USF3: variants seen among roughly 807,000 people sequenced by gnomAD.
The protein encoded by USF3 is basic helix-loop-helix domain-containing protein USF3.
USF3 carries 29 observed loss-of-function variants against 157.5 expected under a neutral mutation model. The observed-to-expected ratio is 0.18, with a 90% confidence interval of 0.14 to 0.25. The LOEUF is 0.25. Ranked by LOEUF, USF3 falls within the 10% of genes least tolerant of loss-of-function variation. The probability of loss-of-function intolerance (pLI) is 1.00; values close to 1 mark genes in which losing one functional copy is unlikely to be tolerated. For synonymous variants in USF3, 893 were observed against 941.4 expected (o/e 0.95, Z 0.94); for missense variants, 2,381 against 2,667.6 (o/e 0.89, Z 2.37).
At chr3:113,692,050 T>G (rs911813289) in intron 1 of USF3, among the ~76,000 whole-genome samples, 1 of 152,110 alleles carries the variant, frequency 6.6e-6, no homozygotes, top group Non-Finnish European at 1.5e-5. Context: ...TAGATGATCA[T>G]AAGGAACATG....
intron 1 of USF3, among the ~76,000 whole-genome samples, chr3:113,684,532 G>C (rs993029746): frequency 1.3e-5 from 2 of 152,016 alleles, no homozygotes; most frequent in African/African-American, 4.8e-5. Context: ...CTGTGGGCAT[G>C]CTTCATATTT....
chr3:113,658,513 CATT>C lies in USF3; in HGVS notation c.3166_3168del (p.Asn1056del). ...TGATGCTGTGGAGGATCTCTATCAT[CATT>C]GTTCATCAGTAATAGTTCCTGTTTG... On this transcript the variant is annotated inframe_deletion, in exon 7 of 7. Coordinates refer to ENST00000316407, the MANE Select transcript of USF3 (RefSeq NM_001009899.4). 6.2e-7 allele frequency: 1 copy of C among 1,614,026 alleles called. No homozygotes were observed.
At chr3:113,673,992 A>G (rs1473562915) in intron 3 of USF3, among the ~76,000 whole-genome samples, 1 of 152,116 alleles carries the variant, frequency 6.6e-6, no homozygotes, top group Non-Finnish European at 1.5e-5. Flanking sequence ...AGCATTCTCT[A>G]ATAGCTATTT....
At chr3:113,687,267 C>CACACA (rs373264306) in intron 1 of USF3, among the ~76,000 whole-genome samples, 2,746 of 141,340 alleles carry the variant, frequency 0.019, 39 homozygotes, top group South Asian at 0.031. Context: ...ACACACACAC[C>CACACA]CCCTTTCTAG....
Position 113,658,060 on chromosome 3 carries a change from T to A in USF3, c.3622A>T (p.Arg1208Trp), listed in dbSNP as rs1947400450. The A allele has an allele frequency of 1.2e-6, 2 of 1,614,066 alleles. No individual in the cohort carries two copies. The highest frequency in any genetic ancestry group is 1.7e-6 in the Non-Finnish European group (2 of 1,180,040). The change falls in exon 7 of 7, where the codon AGG (arginine) becomes TGG (tryptophan). Residue 1208 changes from arginine (R) to tryptophan (W), a missense_variant. Coordinates refer to ENST00000316407, the MANE Select transcript of USF3 (RefSeq NM_001009899.4). ...SQGSIEATME[R>W]PLEKPSCSLG... ...GAACAACTTGGTTTCTCAAGGGGCC[T>A]CTCCATAGTTGCTTCAATTGAACCC...
In USF3 at chr3:113,657,482, T is replaced by C; in HGVS notation, c.4200A>G (p.Arg1400=). ...SNPAHGDGLT[R]LFPPSNNFVT... is the part of the protein sequence containing the mutation. ...CAAAGTTGTTACTAGGTGGAAATAA[T>C]CGTGTAAGGCCATCTCCATGAGCTG... The change falls in exon 7 of 7, where the codon CGA becomes CGG. Residue 1400 remains arginine, a synonymous_variant. Transcript: ENST00000316407. The C allele has an allele frequency of 1.2e-6, 2 of 1,614,092 alleles. No individual in the cohort carries two copies. The highest frequency in any genetic ancestry group is 1.7e-6 in the Non-Finnish European group (2 of 1,180,024).
chr3:113,679,359 A>T (rs1707357522), intron 1 of USF3, among the ~76,000 whole-genome samples: 1 of 151,792 alleles, frequency 6.6e-6, no homozygotes, highest in African/African-American at 2.4e-5. Flanking sequence ...AATGCACACA[A>T]CTGTATGACC....
chr3:113,651,332 G>C lies in USF3; in HGVS notation c.*3612C>G, dbSNP rs181407601. The stretch of plus-strand genomic sequence containing the variant: ...CTTGTTGCTCTTTAAGAGAATACGA[G>C]GCATACTGGTTCCCAAAGCCAAGAC... On this transcript the variant is annotated 3_prime_UTR_variant, in exon 7 of 7. Transcript: ENST00000316407. The C allele has an allele frequency of 6.6e-4, 101 of 152,262 alleles. No homozygotes were observed. Among genetic ancestry groups the C allele is most frequent in the African/African-American group, 2.3e-3 (96 of 41,562 alleles). The allele number at this position is 152,262 out of a possible 1,614,324, so 9.4% of individuals were successfully genotyped here. A position where few individuals can be genotyped will look rare whatever the true frequency, so the allele number is the denominator to read the frequency against.
rs774027973 is a variant in USF3 at position 113,655,402 on chromosome 3, G to C, written c.6280C>G (p.Arg2094Gly). ...TCTACCGGGATGAGGGCTGGAGTTC[G>C]AGTGGCACTAGGCTGAGTAACCTGT... ...IPQVTQPSAT[R>G]TPALIPVDPQ... The change falls in exon 7 of 7, where the codon CGA (arginine) becomes GGA (glycine). Residue 2094 changes from arginine (R) to glycine (G), a missense_variant. Arg to Gly is a moderately radical substitution (Grantham distance 125, BLOSUM62 -2). Around this residue, in one of 6 missense-constraint regions of USF3, gnomAD observed 770 missense variants for 824.2 expected, o/e 0.93. Transcript: ENST00000316407. 19 of 1,614,102 alleles carry C rather than the reference G, an allele frequency of 1.2e-5. No homozygotes were observed. The highest frequency in any genetic ancestry group is 1.1e-5 in the Non-Finnish European group (13 of 1,180,014).
chr3:113,649,868 A>G lies in USF3; in HGVS notation c.*5076T>C. The G allele has an allele frequency of 1.4e-6, 1 of 702,822 alleles. No homozygotes were observed. The highest frequency in any genetic ancestry group is 2.6e-6 in the Non-Finnish European group (1 of 384,870). 43.5% of individuals were successfully genotyped at this position (702,822 alleles called of 1,614,324 possible). ...GTAGAAACCTACGCATGAAGAATAG[A>G]ATGCAGACAGAATATAGTTAAATCC... On this transcript the variant is annotated 3_prime_UTR_variant, in exon 7 of 7. Coordinates refer to ENST00000316407, the MANE Select transcript of USF3 (RefSeq NM_001009899.4).
chr3:113,673,583 A>G (rs895493606), intron 3 of USF3, among the ~76,000 whole-genome samples: 16 of 152,232 alleles, frequency 1.1e-4, no homozygotes, highest in African/African-American at 3.4e-4. Flanking sequence ...TAGAAACCAC[A>G]ATTTCTGGAG....
In USF3 at chr3:113,651,256, A is replaced by C. The variant is rs1316967245; in HGVS notation, c.*3688T>G. 1 of 152,244 alleles carries C rather than the reference A, an allele frequency of 6.6e-6. No individual in the cohort carries two copies. The highest frequency in any genetic ancestry group is 2.4e-5 in the African/African-American group (1 of 41,468). 9.4% of individuals were successfully genotyped at this position (152,244 alleles called of 1,614,324 possible). A position where few individuals can be genotyped will look rare whatever the true frequency, so the allele number is the denominator to read the frequency against. On this transcript the variant is annotated 3_prime_UTR_variant, in exon 7 of 7. Coordinates refer to ENST00000316407, the MANE Select transcript of USF3 (RefSeq NM_001009899.4). ...CTCAGACATAACTTCGTGTATTTCC[A>C]GAAGTTAAAAAATTTAAATCAATTC...
intron 4 of USF3, among the ~76,000 whole-genome samples, chr3:113,672,929 A>G (rs1707192204): frequency 6.6e-6 from 1 of 152,230 alleles, no homozygotes; most frequent in Admixed American, 6.5e-5. Flanking sequence ...CCAGAACTTA[A>G]TTTAAGACTG....
intron 1 of USF3, among the ~76,000 whole-genome samples, chr3:113,688,110 G>A (rs1286285134): frequency 6.6e-6 from 1 of 151,956 alleles, no homozygotes; most frequent in Non-Finnish European, 1.5e-5. Flanking sequence ...CTGCAGGGAA[G>A]GCCCCCACTT....
chr3:113,658,037 A>G lies in USF3; in HGVS notation c.3645T>C (p.Cys1215=). ...CATTTGATGTTTTAATTCCTAGAGAACAACTTGGTTTCTCAAGGGGCCTCT... is the reference window on the plus strand; with the variant it reads ...CATTTGATGTTTTAATTCCTAGAGAGCAACTTGGTTTCTCAAGGGGCCTCT... ...TMERPLEKPS[C]SLGIKTSNAS... Residue 1215 remains cysteine, a synonymous_variant, in exon 7 of 7, where the codon TGT becomes TGC. Transcript: ENST00000316407. The G allele has an allele frequency of 5.0e-6, 8 of 1,614,134 alleles. No individual in the cohort carries two copies. Among genetic ancestry groups the G allele is most frequent in the Non-Finnish European group, 5.9e-6 (7 of 1,180,024 alleles).
rs755829213 is a variant in USF3 at position 113,656,002 on chromosome 3, T to G, written c.5680A>C (p.Asn1894His). Residue 1894 changes from asparagine to histidine, a missense_variant, in exon 7 of 7, where the codon AAT (asparagine) becomes CAT (histidine). Coordinates refer to ENST00000316407, the MANE Select transcript of USF3 (RefSeq NM_001009899.4). ...GAINTRNSTL[N>H]IPFSSSSSSG... ...GAAGAGGAACTTGAAAAAGGAATAT[T>G]CAAGGTGCTGTTCCTGGTGTTAATT... The G allele has an allele frequency of 1.2e-5, 20 of 1,614,216 alleles. No individual in the cohort carries two copies. Among genetic ancestry groups the G allele is most frequent in the Admixed American group, 1.7e-5 (1 of 60,028 alleles).
chr3:113,677,982 TCTCCC>T lies in USF3; in HGVS notation c.-134-590_-134-586del, dbSNP rs369086180. On this transcript the variant is annotated intron_variant, in intron 1 of 6. Transcript: ENST00000316407. ...TTTCAACAACCTCCTTGGGTGATCTTCTCCCCTCCCCTCCCCTCCCCTCCCTTACT... is the reference window on the plus strand; with the variant it reads ...TTTCAACAACCTCCTTGGGTGATCTTCTCCCCTCCCCTCCCCTCCCTTACT... Among the ~76,000 whole-genome samples the T allele has an allele frequency of 4.0e-3, 605 of 150,618 alleles. 11 individuals are homozygous for T. Among genetic ancestry groups the T allele is most frequent in the Admixed American group, 0.027 (404 of 14,974 alleles).
At chr3:113,682,280 G>A (rs1052897720) in intron 1 of USF3, among the ~76,000 whole-genome samples, 61 of 152,028 alleles carry the variant, frequency 4.0e-4, no homozygotes, top group African/African-American at 1.4e-3. Flanking sequence ...AGCCATGATC[G>A]TGCCACCGCA....
chr3:113,649,535 A>G lies in USF3; in HGVS notation c.*5409T>C, dbSNP rs1026354725. The stretch of plus-strand genomic sequence containing the variant: ...GTTTTTTGTTTTTTTTTACAAATCA[A>G]CATCAAAGATGGCTCAGAGAATGGT... On this transcript the variant is annotated 3_prime_UTR_variant, in exon 7 of 7. Transcript: ENST00000316407. The G allele has an allele frequency of 6.1e-6, 2 of 327,744 alleles. No homozygotes were observed. Among genetic ancestry groups the G allele is most frequent in the African/African-American group, 4.2e-5 (2 of 47,140 alleles). 20.3% of individuals were successfully genotyped at this position (327,744 alleles called of 1,614,324 possible). A position where few individuals can be genotyped will look rare whatever the true frequency, so the allele number is the denominator to read the frequency against.
Sources: gnomAD v4.1 joint callset for allele counts (sites outside exome capture counted in the v4.1 genomes callset) on GRCh38, gnomAD v4.1.1 for gene constraint, gnomAD v4.1.1 regional missense constraint, MANE v1.5 for transcripts, NCBI Gene and HGNC (gene_info 2026-07-23, HGNC 2026-07-21) for gene names.